The following PRKACB variants were observed in gnomAD, a reference collection of about 807,000 sequenced individuals.
PRKACB encodes the protein cAMP-dependent protein kinase catalytic subunit beta.
A neutral mutation model predicts 51.4 loss-of-function variants in PRKACB; 16 were observed. That is an observed-to-expected ratio of 0.31 (90% CI 0.21 to 0.47). The LOEUF (loss-of-function observed/expected upper bound fraction) is 0.47, where lower values mean the gene tolerates loss of function less well. Among genes scored for constraint, PRKACB ranks in the 20% least tolerant of loss-of-function variants. The pLI, the probability that PRKACB is intolerant of heterozygous loss-of-function variation, is 1.00. For missense variants in PRKACB, 309 were observed against 464.5 expected (o/e 0.67, Z 3.08); for synonymous variants, 147 against 154.4 (o/e 0.95, Z 0.35).
intron 1 of PRKACB, among the ~76,000 whole-genome samples, chr1:84,158,717 G>A (rs372657605): frequency 3.0e-4 from 46 of 151,982 alleles, no homozygotes; most frequent in African/African-American, 1.0e-3. Flanking sequence ...TGTACTTTTG[G>A]TACCAGATCT....
chr1:84,129,536 T>C (rs1651965459), intron 1 of PRKACB, among the ~76,000 whole-genome samples: 1 of 152,204 alleles, frequency 6.6e-6, no homozygotes, highest in African/African-American at 2.4e-5. Flanking sequence ...AAAATGTATG[T>C]CAATTTCACA....
chr1:84,190,186 A>G (rs1301896883), intron 5 of PRKACB, among the ~76,000 whole-genome samples: 1 of 151,980 alleles, frequency 6.6e-6, no homozygotes, highest in Non-Finnish European at 1.5e-5. Flanking sequence ...ATAGAACTTA[A>G]GAACCCAATA....
chr1:84,078,091 A>G (rs987231326), upstream of PRKACB: 15 of 405,398 alleles, frequency 3.7e-5, no homozygotes, highest in South Asian at 4.3e-4. Context: ...TGCTGCTGCC[A>G]CCGCCGTCGC....
chr1:84,160,263 C>T (rs1210522566), intron 1 of PRKACB, among the ~76,000 whole-genome samples: 1 of 151,798 alleles, frequency 6.6e-6, no homozygotes, highest in African/African-American at 2.4e-5. Flanking sequence ...TTTTCTATTT[C>T]TTTTTTAGTT....
chr1:84,120,557 A>T (rs1650978222), intron 1 of PRKACB, among the ~76,000 whole-genome samples: 1 of 152,160 alleles, frequency 6.6e-6, no homozygotes, highest in Non-Finnish European at 1.5e-5. Context: ...GCATCAAAAA[A>T]TAGTCTGGAA....
rs965540860 is a variant in PRKACB at position 84,080,821 on chromosome 1, A to C, written c.46+2450A>C. ...AAGCTGGAGTTGAGATCATACTGTTAGTAATAACAGAGTAAGGAATAGAGT... is the reference window on the plus strand; with the variant it reads ...AAGCTGGAGTTGAGATCATACTGTTCGTAATAACAGAGTAAGGAATAGAGT... On this transcript the variant is annotated intron_variant, in intron 1 of 8. Transcript: ENST00000370688. Among the ~76,000 whole-genome samples the C allele has an allele frequency of 3.2e-4, 49 of 151,222 alleles. 2 individuals carry two copies. The highest frequency in any genetic ancestry group is 1.2e-3 in the African/African-American group (48 of 40,622).
At chr1:84,169,609 TATAAA>T (rs1164895113) in intron 1 of PRKACB, among the ~76,000 whole-genome samples, 8 of 151,376 alleles carry the variant, frequency 5.3e-5, no homozygotes, top group Admixed American at 3.3e-4. Context: ...GACAAGAAAT[TATAAA>T]AGAAAATAAA....
chr1:84,201,221 C>A (rs1572389708), intron 7 of PRKACB, among the ~76,000 whole-genome samples: 1 of 152,006 alleles, frequency 6.6e-6, no homozygotes, highest in Admixed American at 6.6e-5. Context: ...TGGGTATACT[C>A]ATTTTTAAAA....
At chr1:84,078,551 CG>C (rs1385663296) in intron 1 of PRKACB, among the ~76,000 whole-genome samples, 1 of 152,226 alleles carries the variant, frequency 6.6e-6, no homozygotes, top group Non-Finnish European at 1.5e-5. Flanking sequence ...CCCCCAGCTC[CG>C]CGTTGAGAGC....
intron 9 of PRKACB, among the ~76,000 whole-genome samples, chr1:84,227,610 T>C (rs949372193): frequency 6.6e-6 from 1 of 152,202 alleles, no homozygotes; most frequent in Admixed American, 6.5e-5. Flanking sequence ...TCATTTAAAG[T>C]GTATGTGCTT....
intron 9 of PRKACB, among the ~76,000 whole-genome samples, chr1:84,215,510 T>C (rs1477084132): frequency 1.3e-5 from 2 of 152,204 alleles, no homozygotes; most frequent in African/African-American, 4.8e-5. Flanking sequence ...GCTAAAGGGA[T>C]TCTTAGAGTT....
At chr1:84,186,291 T>C (rs577498629) in intron 5 of PRKACB, among the ~76,000 whole-genome samples, 1 of 152,240 alleles carries the variant, frequency 6.6e-6, no homozygotes, top group South Asian at 2.1e-4. Context: ...CCATTTCGAC[T>C]TACTGCAACC....
At chr1:84,200,475 C>T (rs116301298) in intron 7 of PRKACB, among the ~76,000 whole-genome samples, 1,808 of 152,264 alleles carry the variant, frequency 0.012, 15 homozygotes, top group Non-Finnish European at 0.018. Flanking sequence ...TGTGCAGAAT[C>T]TCTTCAGTTT....
intron 1 of PRKACB, among the ~76,000 whole-genome samples, chr1:84,118,403 G>A (rs909606783): frequency 2.0e-5 from 3 of 152,010 alleles, no homozygotes; most frequent in Non-Finnish European, 2.9e-5. Flanking sequence ...CCCATTATTT[G>A]TAATTTTCTA....
At chr1:84,175,063 A>T in intron 1 of PRKACB, 1 of 1,455,236 alleles carries the variant, frequency 6.9e-7, no homozygotes. Context: ...TCTGGTAGGC[A>T]ATTACTTTTT....
At chr1:84,182,683 A>G (rs935521534) in intron 3 of PRKACB, among the ~76,000 whole-genome samples, 2 of 152,034 alleles carry the variant, frequency 1.3e-5, no homozygotes, top group Non-Finnish European at 2.9e-5. Context: ...TATATCAGGT[A>G]TTATAAGTAA....
chr1:84,231,341 T>G (rs889459002), intron 9 of PRKACB, among the ~76,000 whole-genome samples: 8 of 152,324 alleles, frequency 5.3e-5, no homozygotes, highest in Admixed American at 5.2e-4. Context: ...TATTGAGGAT[T>G]TTTGCATCAA....
At chr1:84,122,831 A>G (rs990769888) in intron 1 of PRKACB, among the ~76,000 whole-genome samples, 1 of 152,196 alleles carries the variant, frequency 6.6e-6, no homozygotes, top group Non-Finnish European at 1.5e-5. Flanking sequence ...TTTGATTTGT[A>G]TAAATAAAAT....
intron 1 of PRKACB, among the ~76,000 whole-genome samples, chr1:84,132,880 T>C (rs1204097962): frequency 6.6e-6 from 1 of 151,898 alleles, no homozygotes; most frequent in East Asian, 1.9e-4. Flanking sequence ...CCAAGAATGG[T>C]GGGACATTTT....
Sources: gnomAD v4.1 joint callset for allele counts (sites outside exome capture counted in the v4.1 genomes callset) on GRCh38, gnomAD v4.1.1 for gene constraint, MANE v1.5 for transcripts, NCBI Gene and HGNC (gene_info 2026-07-23, HGNC 2026-07-21) for gene names.